Variants in SV2C observed in about 807,000 individuals in gnomAD.
SV2C encodes the protein solute carrier family 22 member B3.
In SV2C, 49 loss-of-function variants were observed where a neutral mutation model predicts 79.7. That is an observed-to-expected ratio of 0.61 (90% confidence interval 0.49 to 0.78). The LOEUF (loss-of-function observed/expected upper bound fraction) is 0.78. SV2C is among the 30% of genes least tolerant of loss of function. The pLI, the probability that SV2C is intolerant of heterozygous loss-of-function variation, is 0.00. For missense variants in SV2C, 833 were observed against 912.9 expected (o/e 0.91, Z 1.13); for synonymous variants, 334 against 333.2 (o/e 1.00, Z -0.03).
At chr5:75,892,586 C>T in the SV2C span, among the ~76,000 whole-genome samples, 2,518 of 152,130 alleles carry the variant, frequency 0.017, 36 homozygotes, top group African/African-American at 0.043. Context: ...GGCTCCCTTC[C>T]TCATCTTCCC....
chr5:76,303,510 C>G (rs1021676666), intron 12 of SV2C, among the ~76,000 whole-genome samples: 3 of 152,154 alleles, frequency 2.0e-5, no homozygotes, highest in African/African-American at 4.8e-5. Context: ...TAAAGCAAGG[C>G]TAGGTCATAG....
intron 4 of SV2C, among the ~76,000 whole-genome samples, chr5:76,222,317 A>G (rs750555711): frequency 3.3e-5 from 5 of 152,274 alleles, no homozygotes; most frequent in Non-Finnish European, 7.3e-5. Context: ...AGTGATTGCT[A>G]TAACAGCATG....
intron 4 of SV2C, among the ~76,000 whole-genome samples, chr5:76,233,159 C>A (rs1745484877): frequency 7.3e-6 from 1 of 137,574 alleles, no homozygotes; most frequent in Non-Finnish European, 1.5e-5. Context: ...CTTCACATCC[C>A]TTGTAAGTTG....
the SV2C span, among the ~76,000 whole-genome samples, chr5:75,927,996 A>G: frequency 2.6e-5 from 4 of 152,338 alleles, no homozygotes; most frequent in African/African-American, 4.8e-5. Flanking sequence ...TGTCTATTAC[A>G]TGCCAGACAT....
At chr5:76,043,205 C>T in the SV2C span, among the ~76,000 whole-genome samples, 66 of 152,284 alleles carry the variant, frequency 4.3e-4, no homozygotes, top group African/African-American at 1.5e-3. Context: ...TCTGTGGCAG[C>T]CAGCCTCCAA....
At chr5:76,044,692 G>T in the SV2C span, among the ~76,000 whole-genome samples, 1 of 151,610 alleles carries the variant, frequency 6.6e-6, no homozygotes, top group South Asian at 2.1e-4. Flanking sequence ...TATTTTTTTT[G>T]GCCACATAAA....
the SV2C span, among the ~76,000 whole-genome samples, chr5:75,990,620 T>C: frequency 6.6e-6 from 1 of 151,976 alleles, no homozygotes; most frequent in Non-Finnish European, 1.5e-5. Context: ...AGAAAAGTCC[T>C]GAGTCAAAGT....
chr5:75,880,811 C>A, the SV2C span, among the ~76,000 whole-genome samples: 1 of 152,252 alleles, frequency 6.6e-6, no homozygotes, highest in East Asian at 1.9e-4. Flanking sequence ...TTCTCAGTAC[C>A]AATTTTCTGT....
At chr5:76,158,079 G>C (rs760061869) in intron 2 of SV2C, among the ~76,000 whole-genome samples, 2 of 151,660 alleles carry the variant, frequency 1.3e-5, no homozygotes, top group Non-Finnish European at 3.0e-5. Context: ...AAATGCTATA[G>C]TAGAAAATAT....
At position 76,156,745 on chromosome 5, in the gene SV2C, A is replaced by G. The variant is rs12163959; in HGVS notation, c.580+24415A>G. Among the ~76,000 whole-genome samples, 77 of 152,314 alleles carry G rather than the reference A, an allele frequency of 5.1e-4. No individual in the cohort carries two copies. In the East Asian group the frequency reaches 0.012, roughly 24 times the overall value. ...AATTTTAAAAAAGAACCAAATGAAC[A>G]TTTTGGAATTGTAAAGTATAATAAC... On this transcript the variant is annotated intron_variant, in intron 2 of 12. Transcript: ENST00000502798.
At chr5:76,039,180 G>A in the SV2C span, among the ~76,000 whole-genome samples, 1,504 of 152,274 alleles carry the variant, frequency 9.9e-3, 19 homozygotes, top group African/African-American at 0.034. Flanking sequence ...CTTCTGCTCT[G>A]TCCTTTATTT....
intron 4 of SV2C, among the ~76,000 whole-genome samples, chr5:76,283,327 C>CA (rs1747253184): frequency 1.3e-5 from 2 of 152,014 alleles, no homozygotes; most frequent in African/African-American, 4.8e-5. Flanking sequence ...AAACAAAAAC[C>CA]AAAACAAAAG....
chr5:76,035,214 ATTT>A, the SV2C span, among the ~76,000 whole-genome samples: 1 of 147,970 alleles, frequency 6.8e-6, no homozygotes, highest in African/African-American at 2.5e-5. Context: ...GGATTCGTTA[ATTT>A]TTTGAAGGGT....
chr5:76,039,940 C>A, the SV2C span, among the ~76,000 whole-genome samples: 1 of 152,102 alleles, frequency 6.6e-6, no homozygotes, highest in South Asian at 2.1e-4. Context: ...AAATGGGTAT[C>A]ATTGTCTAAC....
the SV2C span, among the ~76,000 whole-genome samples, chr5:75,965,910 A>G: frequency 2.0e-5 from 3 of 152,218 alleles, no homozygotes; most frequent in Non-Finnish European, 2.9e-5. Context: ...AAGGAAAGAC[A>G]AAAAGATTAA....
the SV2C span, among the ~76,000 whole-genome samples, chr5:75,965,661 C>A: frequency 6.6e-6 from 1 of 152,214 alleles, no homozygotes; most frequent in South Asian, 2.1e-4. Flanking sequence ...AGACAAAGAG[C>A]ACTATGGAGT....
the SV2C span, among the ~76,000 whole-genome samples, chr5:76,029,038 C>T: frequency 4.3e-4 from 65 of 152,282 alleles, no homozygotes; most frequent in Non-Finnish European, 7.5e-4. Context: ...GAATGAGCAA[C>T]ATAAATGAAT....
the SV2C span, among the ~76,000 whole-genome samples, chr5:75,849,331 G>A: frequency 3.3e-5 from 5 of 152,144 alleles, no homozygotes; most frequent in South Asian, 2.1e-4. Flanking sequence ...TTTGATCAGA[G>A]TGAGATAAAC....
chr5:76,213,099 G>T (rs1263157388), intron 4 of SV2C, among the ~76,000 whole-genome samples: 3 of 152,138 alleles, frequency 2.0e-5, no homozygotes, highest in Non-Finnish European at 4.4e-5. Context: ...ATAATGACCA[G>T]GTTACGAAAT....
Sources: allele counts gnomAD v4.1 joint callset (sites outside exome capture counted in the v4.1 genomes callset), GRCh38; gene constraint gnomAD v4.1.1; transcripts MANE v1.5; gene names NCBI Gene and HGNC (gene_info 2026-07-23, HGNC 2026-07-21).